Variants in NBEA observed in about 807,000 individuals in gnomAD.
The protein encoded by NBEA is lysosomal-trafficking regulator 2.
Under a neutral mutation model 343.4 loss-of-function variants are expected in NBEA, and 44 were observed. That is an observed-to-expected ratio of 0.13 (90% confidence interval 0.10 to 0.16). The LOEUF (loss-of-function observed/expected upper bound fraction) is 0.16, where lower values mean the gene tolerates loss of function less well. Ranked by LOEUF, NBEA falls within the 10% of genes least tolerant of loss-of-function variation. The probability of loss-of-function intolerance (pLI) is 1.00; values close to 1 mark genes in which losing one functional copy is unlikely to be tolerated. For missense variants in NBEA, 2,555 were observed against 3,631.3 expected, an observed-to-expected ratio of 0.70 and a Z score of 7.62; for synonymous variants, 1,175 against 1,238.7, an observed-to-expected ratio of 0.95 and a Z score of 1.08.
intron 47 of NBEA, among the ~76,000 whole-genome samples, chr13:35,605,939 CTT>C (rs1379111658): frequency 6.6e-6 from 1 of 152,010 alleles, no homozygotes; most frequent in African/African-American, 2.4e-5. Context: ...CTATGAATCT[CTT>C]TATAAAAATC....
intron 10 of NBEA, among the ~76,000 whole-genome samples, chr13:35,095,943 T>C (rs1310619325): frequency 6.6e-6 from 1 of 151,910 alleles, no homozygotes; most frequent in Non-Finnish European, 1.5e-5. Flanking sequence ...AAGTGGTATG[T>C]AGGAGATATA....
intron 46 of NBEA, among the ~76,000 whole-genome samples, chr13:35,590,802 C>T (rs570315902): frequency 6.6e-6 from 1 of 152,174 alleles, no homozygotes; most frequent in South Asian, 2.1e-4. Flanking sequence ...GAAGATAAAA[C>T]TTTTTGGTCA....
chr13:35,660,067 T>G (rs1196527449), intron 55 of NBEA, among the ~76,000 whole-genome samples: 2 of 152,214 alleles, frequency 1.3e-5, no homozygotes, highest in African/African-American at 4.8e-5. Context: ...ACAACCCATC[T>G]CTGACTGGTG....
At chr13:35,077,598 C>T (rs1419092645) in intron 10 of NBEA, among the ~76,000 whole-genome samples, 4 of 152,098 alleles carry the variant, frequency 2.6e-5, no homozygotes, top group African/African-American at 4.8e-5. Context: ...ATTGCTACTG[C>T]CTTAGTCTAG....
chr13:35,477,780 A>C (rs1280294372), intron 41 of NBEA, among the ~76,000 whole-genome samples: 1 of 152,226 alleles, frequency 6.6e-6, no homozygotes, highest in Non-Finnish European at 1.5e-5. Flanking sequence ...AAGAAAATTA[A>C]CTTGCAGTTA....
chr13:35,542,120 CTA>C (rs1442629821), intron 41 of NBEA, among the ~76,000 whole-genome samples: 1 of 146,148 alleles, frequency 6.8e-6, no homozygotes, highest in Non-Finnish European at 1.5e-5. Context: ...GATGGGCTGC[CTA>C]TATTTCCCCC....
chr13:35,484,482 A>AT (rs1263363035), intron 41 of NBEA, among the ~76,000 whole-genome samples: 2 of 151,884 alleles, frequency 1.3e-5, no homozygotes, highest in Non-Finnish European at 2.9e-5. Context: ...TCCACGCTGC[A>AT]TTAGCACAGT....
At chr13:35,152,817 A>G (rs896870188) in intron 18 of NBEA, among the ~76,000 whole-genome samples, 16 of 152,076 alleles carry the variant, frequency 1.1e-4, no homozygotes, top group African/African-American at 3.9e-4. Flanking sequence ...TAAGTGTTAA[A>G]TACACATTGG....
intron 40 of NBEA, among the ~76,000 whole-genome samples, chr13:35,456,945 T>A (rs1594700600): frequency 6.6e-6 from 1 of 151,408 alleles, no homozygotes; most frequent in East Asian, 1.9e-4. Context: ...CATATATATT[T>A]GCTGTTAGCA....
intron 33 of NBEA, among the ~76,000 whole-genome samples, chr13:35,217,583 C>A (rs906315639): frequency 6.6e-6 from 1 of 152,036 alleles, no homozygotes. Flanking sequence ...ACATTTTTGC[C>A]TATGAATGTT....
At chr13:35,026,460 G>A (rs2062022916) in intron 1 of NBEA, among the ~76,000 whole-genome samples, 1 of 151,920 alleles carries the variant, frequency 6.6e-6, no homozygotes, top group Admixed American at 6.6e-5. Flanking sequence ...TCTCTAGTAT[G>A]GGGCACTTTC....
At chr13:35,529,298 A>G (rs1331851691) in intron 41 of NBEA, among the ~76,000 whole-genome samples, 1 of 152,232 alleles carries the variant, frequency 6.6e-6, no homozygotes, top group Non-Finnish European at 1.5e-5. Context: ...TCAATCCACT[A>G]TCAAATTTCA....
chr13:35,427,971 A>G (rs1027065517), intron 38 of NBEA, among the ~76,000 whole-genome samples: 1 of 152,184 alleles, frequency 6.6e-6, no homozygotes, highest in African/African-American at 2.4e-5. Flanking sequence ...CCGTTTTTCA[A>G]GCCCATTGGG....
At chr13:35,243,505 C>G (rs1002113384) in intron 34 of NBEA, among the ~76,000 whole-genome samples, 1 of 151,832 alleles carries the variant, frequency 6.6e-6, no homozygotes, top group Admixed American at 6.6e-5. Context: ...CAACTATGTG[C>G]TGTCTTTAAG....
intron 46 of NBEA, among the ~76,000 whole-genome samples, chr13:35,589,676 A>G (rs1451693886): frequency 6.6e-6 from 1 of 152,160 alleles, no homozygotes; most frequent in Non-Finnish European, 1.5e-5. Context: ...AAGAGGCAAC[A>G]GGGAAACGGC....
At chr13:35,503,527 A>G (rs1165473495) in intron 41 of NBEA, among the ~76,000 whole-genome samples, 1 of 151,946 alleles carries the variant, frequency 6.6e-6, no homozygotes, top group African/African-American at 2.4e-5. Flanking sequence ...CTAATCACCT[A>G]CAGGTAAACA....
chr13:35,669,868 T>C (rs527418345), intron 58 of NBEA, among the ~76,000 whole-genome samples: 25 of 151,968 alleles, frequency 1.6e-4, no homozygotes, highest in Admixed American at 1.2e-3. Flanking sequence ...TGAACTCTTC[T>C]TGAGGGCTGG....
intron 34 of NBEA, among the ~76,000 whole-genome samples, chr13:35,289,429 G>T (rs958941577): frequency 6.6e-6 from 1 of 151,588 alleles, no homozygotes; most frequent in Non-Finnish European, 1.5e-5. Flanking sequence ...CATAATTAAC[G>T]TACTCTCAAC....
At chr13:35,070,923 G>A in intron 10 of NBEA, 71 bp downstream of exon 10, 1 of 1,502,186 alleles carries the variant, frequency 6.7e-7, no homozygotes, top group Non-Finnish European at 9.0e-7. Context: ...TGTACTCAGT[G>A]CTGTGTAAAT....
Sources: allele counts gnomAD v4.1 joint callset (sites outside exome capture counted in the v4.1 genomes callset), GRCh38; gene constraint gnomAD v4.1.1; transcripts MANE v1.5; gene names NCBI Gene and HGNC (gene_info 2026-07-23, HGNC 2026-07-21).